The following LYG1 variants were observed in gnomAD, a reference collection of about 807,000 sequenced individuals.
The protein encoded by LYG1 is lysozyme g1.
LYG1 carries 17 observed loss-of-function variants against 21.7 expected under a neutral mutation model. The ratio of observed to expected loss-of-function variants is 0.78; its 90% CI spans 0.54 to 1.18. LYG1 has a LOEUF of 1.18. Among genes scored for constraint, LYG1 ranks in the 50% most tolerant of loss-of-function variants. The probability of loss-of-function intolerance (pLI) is 0.00; values close to 1 mark genes in which losing one functional copy is unlikely to be tolerated. For missense variants in LYG1, 211 were observed against 238.1 expected (o/e 0.89, Z 0.75); for synonymous variants, 81 against 87.4 (o/e 0.93, Z 0.41).
chr2:99,302,399 G>A (rs1202902938), upstream of LYG1, among the ~76,000 whole-genome samples: 1 of 152,126 alleles, frequency 6.6e-6, no homozygotes, highest in Non-Finnish European at 1.5e-5. Flanking sequence ...GTAAATCTTT[G>A]TTGAATCAGT....
chr2:99,293,681 T>C (rs560871438), intron 3 of LYG1, among the ~76,000 whole-genome samples: 17 of 152,320 alleles, frequency 1.1e-4, no homozygotes, highest in Non-Finnish European at 1.6e-4. Flanking sequence ...ACAAAGGCCA[T>C]TGAAGAGGAG....
rs1325831095 is a variant in LYG1 at position 99,284,834 on chromosome 2, G to A, written c.334-14C>T. ...AGAGCCAGGGTCCTGCAGGGAAGGAGGCAGAGAAGAAGCCACGTAAGCTGG... is the reference window on the plus strand; with the variant it reads ...AGAGCCAGGGTCCTGCAGGGAAGGAAGCAGAGAAGAAGCCACGTAAGCTGG... On this transcript the variant is annotated splice_polypyrimidine_tract_variant and intron_variant, in intron 5 of 6. Coordinates refer to ENST00000308528, the MANE Select transcript of LYG1 (RefSeq NM_174898.3). The A allele has an allele frequency of 1.2e-5, 20 of 1,611,626 alleles. 1 individual carries two copies. The South Asian group carries it at 2.1e-4, about 17-fold the overall frequency.
chr2:99,294,193 C>T (rs2094129586), intron 3 of LYG1, among the ~76,000 whole-genome samples: 1 of 152,226 alleles, frequency 6.6e-6, no homozygotes, highest in Admixed American at 6.5e-5. Context: ...GGATTACAGG[C>T]ATGAGCCACC....
intron 5 of LYG1, among the ~76,000 whole-genome samples, chr2:99,290,917 T>G (rs186225445): frequency 6.6e-6 from 1 of 152,312 alleles, no homozygotes; most frequent in Non-Finnish European, 1.5e-5. Flanking sequence ...AATGACTTAT[T>G]CAAGGCCATG....
intron 5 of LYG1, among the ~76,000 whole-genome samples, chr2:99,290,955 T>C (rs1434839897): frequency 1.3e-5 from 2 of 152,212 alleles, no homozygotes; most frequent in Non-Finnish European, 2.9e-5. Flanking sequence ...AGGAAAGATT[T>C]AATCTGTGAT....
chr2:99,286,497 A>G (rs1019911498), intron 5 of LYG1, among the ~76,000 whole-genome samples: 1 of 152,116 alleles, frequency 6.6e-6, no homozygotes, highest in Non-Finnish European at 1.5e-5. Context: ...ACCAGGCAGG[A>G]GTTTGAGACC....
At chr2:99,299,169 C>G (rs1199722883) in intron 1 of LYG1, among the ~76,000 whole-genome samples, 8 of 151,836 alleles carry the variant, frequency 5.3e-5, no homozygotes, top group Non-Finnish European at 2.9e-5. Flanking sequence ...TCAGGTGATC[C>G]ACCCACCTCA....
In LYG1 at chr2:99,298,544, A is replaced by G. The variant is rs1559224382; in HGVS notation, c.-118T>C. 2 of 152,148 alleles carry G rather than the reference A, an allele frequency of 1.3e-5. No individual in the cohort carries two copies. The highest frequency in any genetic ancestry group is 1.3e-4 in the Admixed American group (2 of 15,264). 9.4% of individuals were successfully genotyped at this position (152,148 alleles called of 1,614,324 possible). A position where few individuals can be genotyped will look rare whatever the true frequency, so the allele number is the denominator to read the frequency against. On this transcript the variant is annotated 5_prime_UTR_variant, in exon 2 of 7. Transcript: ENST00000308528. ...GGACCATGTCTTCTTCAGTTCATCA[A>G]TTTTTCTAGAAAAGGTAGAAACAGG...
chr2:99,286,702 C>CA (rs1289559683), intron 5 of LYG1, among the ~76,000 whole-genome samples: 3 of 151,936 alleles, frequency 2.0e-5, no homozygotes, highest in South Asian at 2.1e-4. Flanking sequence ...GAGACTGTCT[C>CA]AAAAAATAAA....
In LYG1 at chr2:99,291,322, G is replaced by A. The variant is rs150060674; in HGVS notation, c.248C>T (p.Pro83Leu). Reference sequence around the variant, plus strand: ...GGACAAGACACCAGCGATCACGGCAGGATCCATGCAGTACTTTTGGCCAAT... The same window carrying A: ...GGACAAGACACCAGCGATCACGGCAAGATCCATGCAGTACTTTTGGCCAAT... Reference protein sequence around the residue: ...QTIGQKYCMDPAVIAGVLSRK... With the variant: ...QTIGQKYCMDLAVIAGVLSRK... The change falls in exon 5 of 7, where the codon CCT becomes CTT. Residue 83 changes from proline to leucine, a missense_variant. By Grantham distance (98) the Pro-to-Leu change is moderately conservative. Coordinates refer to ENST00000308528, the MANE Select transcript of LYG1 (RefSeq NM_174898.3). 1.7e-4 allele frequency: 273 copies of A among 1,613,524 alleles called. 1 individual carries two copies. In the Middle Eastern group the frequency reaches 2.0e-3, roughly 12 times the overall value.
At chr2:99,299,271 T>C (rs1407466734) in intron 1 of LYG1, among the ~76,000 whole-genome samples, 1 of 149,394 alleles carries the variant, frequency 6.7e-6, no homozygotes, top group Non-Finnish European at 1.5e-5. Context: ...TTTCTTTTTC[T>C]TTTTCTTTTT....
intron 3 of LYG1, among the ~76,000 whole-genome samples, 185 bp downstream of exon 3, chr2:99,295,443 A>G (rs1032202903): frequency 1.3e-5 from 2 of 152,140 alleles, no homozygotes; most frequent in African/African-American, 2.4e-5. Context: ...GAGAACCCCA[A>G]TCTTTTGTGG....
upstream of LYG1, among the ~76,000 whole-genome samples, chr2:99,302,062 G>A (rs569094746): frequency 2.6e-5 from 4 of 152,216 alleles, no homozygotes; most frequent in South Asian, 4.2e-4. Flanking sequence ...CAAACACAGC[G>A]CCATTCTTTG....
At chr2:99,299,226 C>G (rs1171365755) in intron 1 of LYG1, among the ~76,000 whole-genome samples, 1 of 150,594 alleles carries the variant, frequency 6.6e-6, no homozygotes, top group Non-Finnish European at 1.5e-5. Flanking sequence ...CGCGCCCAGC[C>G]CCTGGGTTTT....
chr2:99,292,461 A>G, intron 4 of LYG1, 75 bp downstream of exon 4: 1 of 1,130,032 alleles, frequency 8.8e-7, no homozygotes, highest in Non-Finnish European at 1.3e-6. Context: ...AACTCTTTCC[A>G]ACACTCAGTA....
rs763298730 is a variant in LYG1, at chr2:99,284,468, G to T, written c.510C>A (p.Ser170Arg). The change falls in exon 7 of 7, where the codon AGC (serine) becomes AGA (arginine). Residue 170 changes from serine to arginine, a missense_variant. Coordinates refer to ENST00000308528, the MANE Select transcript of LYG1 (RefSeq NM_174898.3). ...AYSGGAGYVR[S>R]SQDLSCDFCN... ...AGAAGTCACAGCTCAGGTCCTGGCT[G>T]CTTCGGACATAGCCAGCACCCCCAC... 26 of 1,614,098 alleles carry T rather than the reference G, an allele frequency of 1.6e-5. No homozygotes were observed. In the East Asian group the frequency reaches 5.1e-4, roughly 32 times the overall value.
At chr2:99,287,658 GT>G (rs2094104551) in intron 5 of LYG1, among the ~76,000 whole-genome samples, 1 of 151,704 alleles carries the variant, frequency 6.6e-6, no homozygotes, top group African/African-American at 2.4e-5. Context: ...TTATTTTTAA[GT>G]TTCACTATGA....
chr2:99,288,026 C>A (rs1195329912), intron 5 of LYG1, among the ~76,000 whole-genome samples: 2 of 152,084 alleles, frequency 1.3e-5, no homozygotes, highest in East Asian at 3.9e-4. Context: ...TCTTCTATAT[C>A]TTTGCTGGTT....
chr2:99,296,736 A>C (rs989210199), intron 2 of LYG1, among the ~76,000 whole-genome samples: 9 of 152,214 alleles, frequency 5.9e-5, no homozygotes, highest in African/African-American at 2.2e-4. Context: ...ATGTGCATAT[A>C]AACAAGGCAC....
Sources: gnomAD v4.1 joint callset for allele counts (sites outside exome capture counted in the v4.1 genomes callset) on GRCh38, gnomAD v4.1.1 for gene constraint, MANE v1.5 for transcripts, NCBI Gene and HGNC (gene_info 2026-07-23, HGNC 2026-07-21) for gene names.